Variants in CRY1 observed in about 807,000 individuals in gnomAD.
CRY1 encodes the protein cryptochrome-1.
A neutral mutation model predicts 76.0 loss-of-function variants in CRY1; 45 were observed. The observed-to-expected ratio is 0.59, with a 90% CI of 0.47 to 0.76. The LOEUF (loss-of-function observed/expected upper bound fraction) is 0.76, where lower values mean the gene tolerates loss of function less well. Among genes scored for constraint, CRY1 ranks in the 30% least tolerant of loss-of-function variants. The pLI, the probability that CRY1 is intolerant of heterozygous loss-of-function variation, is 0.00. For missense variants in CRY1, 587 were observed against 716.4 expected (o/e 0.82, Z 2.06); for synonymous variants, 248 against 244.0 (o/e 1.02, Z -0.15).
chr12:107,017,874 A>G (rs1479220980), intron 2 of CRY1, among the ~76,000 whole-genome samples: 1 of 152,178 alleles, frequency 6.6e-6, no homozygotes, highest in Non-Finnish European at 1.5e-5. Context: ...GATTCCATAT[A>G]AAGTAACTTT....
At chr12:107,064,007 T>G (rs146262834) in intron 1 of CRY1, among the ~76,000 whole-genome samples, 13 of 152,144 alleles carry the variant, frequency 8.5e-5, no homozygotes, top group African/African-American at 2.9e-4. Flanking sequence ...CTTTGATAGA[T>G]CTGGGGTAGA....
intron 1 of CRY1, among the ~76,000 whole-genome samples, chr12:107,076,118 T>C (rs928822841): frequency 2.0e-5 from 3 of 151,956 alleles, no homozygotes; most frequent in Admixed American, 2.0e-4. Flanking sequence ...TTATCAGGTA[T>C]TCAAGTATGC....
At chr12:107,014,067 C>A (rs1425023014) in intron 2 of CRY1, among the ~76,000 whole-genome samples, 1 of 152,188 alleles carries the variant, frequency 6.6e-6, no homozygotes, top group Non-Finnish European at 1.5e-5. Context: ...TTAACAAAAG[C>A]TCCCTCCACC....
Position 106,999,622 on chromosome 12 carries a change from G to C in CRY1, c.1066C>G (p.Leu356Val), listed in dbSNP as rs1952278292. ...AAGCAAGCAACTGCATGCCTGGCTA[G>C]ATGATGAATCCAACCCTCCTGACGA... ...QLRQEGWIHH[L>V]ARHAVACFLT... Residue 356 changes from leucine to valine, a missense_variant, in exon 7 of 13, where the codon CTA (leucine) becomes GTA (valine). Coordinates refer to ENST00000008527, the MANE Select transcript of CRY1 (RefSeq NM_004075.5). The C allele has an allele frequency of 6.2e-7, 1 of 1,614,240 alleles. No individual in the cohort carries two copies.
At chr12:107,038,614 T>C (rs2136864023) in intron 1 of CRY1, among the ~76,000 whole-genome samples, 1 of 152,182 alleles carries the variant, frequency 6.6e-6, no homozygotes. Flanking sequence ...TAAAGACAGA[T>C]GGAAAATCGT....
At chr12:107,031,849 T>C (rs1425003288) in intron 1 of CRY1, among the ~76,000 whole-genome samples, 1 of 152,204 alleles carries the variant, frequency 6.6e-6, no homozygotes, top group Non-Finnish European at 1.5e-5. Flanking sequence ...AGTGTGGTAT[T>C]CTAGATGGGA....
At chr12:107,074,757 G>A (rs1953230209) in intron 1 of CRY1, among the ~76,000 whole-genome samples, 1 of 152,246 alleles carries the variant, frequency 6.6e-6, no homozygotes, top group Admixed American at 6.5e-5. Context: ...GCTCACGCCT[G>A]TAATCCCAGC....
chr12:107,005,368 G>A (rs1403821339), intron 2 of CRY1, 120 bp from the exon 3 acceptor site: 6 of 985,626 alleles, frequency 6.1e-6, no homozygotes, highest in East Asian at 2.6e-5. Flanking sequence ...ATCAAACTTT[G>A]AATATGCAGG....
At position 107,048,087 on chromosome 12, in the gene CRY1, A is replaced by ATT. The variant is rs35101973; in HGVS notation, c.159-25897_159-25896dup. 5.4e-3 allele frequency among the ~76,000 whole-genome samples: 808 copies of ATT among 149,890 alleles called. 17 individuals carry two copies. Among genetic ancestry groups the ATT allele is most frequent in the African/African-American group, 0.017 (696 of 40,882 alleles). On this transcript the variant is annotated intron_variant, in intron 1 of 12. Transcript: ENST00000008527. ...TTTTTGAATGCTAGTATCCATTCAG[A>ATT]TTTTTTTTTTTGAGATGGACTCTTG...
intron 1 of CRY1, 73 bp downstream of exon 1, chr12:107,092,731 C>T (rs1953486505): frequency 2.5e-6 from 4 of 1,576,194 alleles, no homozygotes; most frequent in Admixed American, 1.8e-5. Context: ...ACAGATTTGG[C>T]GGATCGCATG....
intron 1 of CRY1, among the ~76,000 whole-genome samples, chr12:107,042,478 C>T (rs568048866): frequency 2.7e-4 from 41 of 152,186 alleles, no homozygotes; most frequent in African/African-American, 9.6e-4. Flanking sequence ...AAAAAAAAGG[C>T]ACATCACTTC....
chr12:107,093,027 A>T lies in CRY1; in HGVS notation c.-66T>A, dbSNP rs554805148. On this transcript the variant is annotated 5_prime_UTR_variant, in exon 1 of 13. Transcript: ENST00000008527. ...AAGGAGGCTCCGGCTCATAGCCGAC[A>T]CCTTCGCTTCCAAGAGAATTGCCTC... 1.6e-5 allele frequency: 23 copies of T among 1,438,872 alleles called. No individual in the cohort carries two copies. Among genetic ancestry groups the T allele is most frequent in the Non-Finnish European group, 1.9e-5 (21 of 1,098,944 alleles). 89.1% of individuals were successfully genotyped at this position (1,438,872 alleles called of 1,614,324 possible). A position where few individuals can be genotyped will look rare whatever the true frequency, so the allele number is the denominator to read the frequency against.
At chr12:107,035,726 T>C (rs1163023198) in intron 1 of CRY1, among the ~76,000 whole-genome samples, 1 of 152,158 alleles carries the variant, frequency 6.6e-6, no homozygotes, top group Non-Finnish European at 1.5e-5. Flanking sequence ...AAAACTAAAA[T>C]AGAGTAGAAG....
intron 4 of CRY1, 40 bp from the exon 5 acceptor site, chr12:107,001,408 C>T: frequency 6.6e-7 from 1 of 1,521,310 alleles, no homozygotes; most frequent in Non-Finnish European, 9.0e-7. Context: ...TCTTCCGAAA[C>T]TAATTTTTAT....
At chr12:107,065,040 T>G (rs1003945793) in intron 1 of CRY1, among the ~76,000 whole-genome samples, 2 of 152,140 alleles carry the variant, frequency 1.3e-5, no homozygotes, top group African/African-American at 4.8e-5. Context: ...CTCACACCAT[T>G]TTCCCAGCAC....
intron 1 of CRY1, among the ~76,000 whole-genome samples, chr12:107,057,359 C>T (rs1161054234): frequency 6.6e-6 from 1 of 152,122 alleles, no homozygotes; most frequent in Non-Finnish European, 1.5e-5. Context: ...GTTGGCAAAT[C>T]AGGAGGCAAT....
chr12:107,092,355 C>T (rs1193938829), intron 1 of CRY1, among the ~76,000 whole-genome samples: 1 of 152,190 alleles, frequency 6.6e-6, no homozygotes, highest in Non-Finnish European at 1.5e-5. Context: ...GGTGGAAGAA[C>T]ACTGGATCTG....
Position 106,999,823 on chromosome 12 carries a change from G to A in CRY1, c.865C>T (p.Gln289Ter), listed in dbSNP as rs998984795. 3.7e-6 allele frequency: 6 copies of A among 1,613,858 alleles called. No individual in the cohort carries two copies. Among genetic ancestry groups the A allele is most frequent in the Non-Finnish European group, 5.1e-6 (6 of 1,179,908 alleles). Residue 289 changes from glutamine to a stop codon, truncating the protein, a stop_gained, in exon 7 of 13, where the codon CAA (glutamine) becomes TAA (stop). Coordinates refer to ENST00000008527, the MANE Select transcript of CRY1 (RefSeq NM_004075.5). LOFTEE classifies it high-confidence loss of function. ...TAGAAAAATTCACGCCATAACAGTTGCCCATAAAGGGAAAGGGGAGGGGAA... is the reference window on the plus strand; with the variant it reads ...TAGAAAAATTCACGCCATAACAGTTACCCATAAAGGGAAAGGGGAGGGGAA... ...NSSPPLSLYGQLLWREFFYTA... is the reference protein window; with the variant it reads ...NSSPPLSLYG
intron 1 of CRY1, among the ~76,000 whole-genome samples, chr12:107,029,179 G>A (rs1952649484): frequency 6.6e-6 from 1 of 152,022 alleles, no homozygotes; most frequent in South Asian, 2.1e-4. Context: ...TCAGGACTAC[G>A]TGCATGCACA....
Sources: allele counts gnomAD v4.1 joint callset (sites outside exome capture counted in the v4.1 genomes callset), GRCh38; gene constraint gnomAD v4.1.1; transcripts MANE v1.5; gene names NCBI Gene and HGNC (gene_info 2026-07-23, HGNC 2026-07-21).